ZMIZ2: variants seen among roughly 807,000 people sequenced by gnomAD.
The protein encoded by ZMIZ2 is zinc finger MIZ domain-containing protein 2.
Under a neutral mutation model 93.9 loss-of-function variants are expected in ZMIZ2, and 26 were observed. The observed-to-expected ratio is 0.28, with a 90% CI of 0.20 to 0.38. The LOEUF (loss-of-function observed/expected upper bound fraction) is 0.38. Among genes scored for constraint, ZMIZ2 ranks in the 10% least tolerant of loss-of-function variants. The pLI, the probability that ZMIZ2 is intolerant of heterozygous loss-of-function variation, is 1.00. For missense variants in ZMIZ2, 1,023 were observed against 1,235.0 expected, an observed-to-expected ratio of 0.83 and a Z score of 2.57; for synonymous variants, 485 against 516.4, an observed-to-expected ratio of 0.94 and a Z score of 0.82.
chr7:44,764,310 G>A, intron 13 of ZMIZ2, 109 bp from the exon 14 acceptor site: 1 of 1,004,520 alleles, frequency 1.0e-6, no homozygotes, highest in Non-Finnish European at 1.5e-6. Flanking sequence ...CAGTATCTCA[G>A]TTATGCATGT....
At position 44,768,023 on chromosome 7, in the gene ZMIZ2, ACTC is replaced by A. The variant is rs1299935230; in HGVS notation, c.*405_*407del. On this transcript the variant is annotated 3_prime_UTR_variant, in exon 19 of 19. Coordinates refer to ENST00000309315, the MANE Select transcript of ZMIZ2 (RefSeq NM_031449.4). The stretch of plus-strand genomic sequence containing the variant: ...CAGCATTGATCCTTCTGTTTCAACA[ACTC>A]CTCCACTGGGCAGAGCTGGGCATCT... 3.1e-5 allele frequency: 8 copies of A among 256,420 alleles called. No homozygotes were observed. The highest frequency in any genetic ancestry group is 1.2e-4 in the East Asian group (1 of 8,680). 15.9% of individuals were successfully genotyped at this position (256,420 alleles called of 1,614,324 possible).
Position 44,763,519 on chromosome 7 carries a change from G to A in ZMIZ2, c.1860+106G>A. ...ACAGACGTGAACTCCGAGTGCCTTG[G>A]CTGTCAGGCTGACAGGACAGGCCTC... is the stretch of plus-strand genomic sequence containing the variant. On this transcript the variant is annotated intron_variant, in intron 13 of 18. Transcript: ENST00000309315. This position sits in a 1 kb window ranked among gnomAD's most constrained non-coding sequence, Gnocchi z 5.6. 6.8e-7 allele frequency: 1 copy of A among 1,466,428 alleles called. No individual in the cohort carries two copies. The allele number at this position is 1,466,428 out of a possible 1,614,324, so 90.8% of individuals were successfully genotyped here. A position where few individuals can be genotyped will look rare whatever the true frequency, so the allele number is the denominator to read the frequency against.
chr7:44,756,160 C>T lies in ZMIZ2; in HGVS notation c.-62-28C>T, dbSNP rs1239246188. On this transcript the variant is annotated intron_variant, in intron 1 of 18. Coordinates refer to ENST00000309315, the MANE Select transcript of ZMIZ2 (RefSeq NM_031449.4). ...AAAGGGTCTCCTGGCTGCATCGCAG[C>T]TAACATCCCTTCCTTCCTGTCGGGC... 3 of 1,588,466 alleles carry T rather than the reference C, an allele frequency of 1.9e-6. No individual in the cohort carries two copies. In the African/African-American group the frequency reaches 4.0e-5, roughly 21 times the overall value.
chr7:44,764,920 T>C, intron 14 of ZMIZ2, 21 bp from the exon 15 acceptor site: 1 of 1,613,970 alleles, frequency 6.2e-7, no homozygotes, highest in Non-Finnish European at 8.5e-7. Flanking sequence ...CTCTGAGCTG[T>C]GTCCCTTTTT....
At chr7:44,750,846 G>C (rs1320255204) in intron 1 of ZMIZ2, 4 of 152,240 alleles carry the variant, frequency 2.6e-5, no homozygotes, top group African/African-American at 9.7e-5. Context: ...CCCTTGGTGG[G>C]CATGGGCCTT....
At position 44,762,944 on chromosome 7, in the gene ZMIZ2, C is replaced by T; in HGVS notation, c.1660C>T (p.Leu554Phe). Residue 554 changes from leucine (L) to phenylalanine (F), a missense_variant, in exon 12 of 19, where the codon CTC becomes TTC. Around this residue, in one of 3 missense-constraint regions of ZMIZ2, gnomAD observed 656 missense variants for 777.1 expected, o/e 0.84. Transcript: ENST00000309315. ...PSVRSVLQGLLKKRLLPAEHC... is the reference protein window; with the variant it reads ...PSVRSVLQGLFKKRLLPAEHC... ...CGTCCGCTCGGTGCTGCAGGGCCTC[C>T]TCAAAAAGCGCCTCCTGCCTGCTGA... The T allele has an allele frequency of 6.2e-7, 1 of 1,613,680 alleles. No homozygotes were observed. The highest frequency in any genetic ancestry group is 8.5e-7 in the Non-Finnish European group (1 of 1,179,706).
Position 44,765,059 on chromosome 7 carries a change from G to A in ZMIZ2, c.1997+50G>A. On this transcript the variant is annotated intron_variant, in intron 15 of 18. Coordinates refer to ENST00000309315, the MANE Select transcript of ZMIZ2 (RefSeq NM_031449.4). The surrounding 1 kb of genome is among the most constrained non-coding windows in gnomAD (Gnocchi z 4.1). ...CTGCATCTGTGGCCACTGGAGGGCAGCCCCAGGACATGTCGGGGGATGTCC... is the reference window on the plus strand; with the variant it reads ...CTGCATCTGTGGCCACTGGAGGGCAACCCCAGGACATGTCGGGGGATGTCC... 6.2e-7 allele frequency: 1 copy of A among 1,603,758 alleles called. No individual in the cohort carries two copies. Among genetic ancestry groups the A allele is most frequent in the Non-Finnish European group, 8.5e-7 (1 of 1,170,946 alleles).
At chr7:44,749,621 C>T (rs1264119171) in intron 1 of ZMIZ2, among the ~76,000 whole-genome samples, 11 of 152,208 alleles carry the variant, frequency 7.2e-5, no homozygotes, top group Admixed American at 3.3e-4. Context: ...GGTGCCTTGT[C>T]TTCCCTAGTG....
rs184985418 is a variant in ZMIZ2 at position 44,765,754 on chromosome 7, G to C, written c.2242+175G>C. 3.6e-6 allele frequency: 4 copies of C among 1,104,982 alleles called. No individual in the cohort carries two copies. The highest frequency in any genetic ancestry group is 1.6e-5 in the African/African-American group (1 of 63,252). 68.4% of individuals were successfully genotyped at this position (1,104,982 alleles called of 1,614,324 possible). ...CTCCAGCCCCTCCCATCTCAGGGAC[G>C]TGGCGGTGAAGGCACAGTCTCAGCT... On this transcript the variant is annotated intron_variant, in intron 16 of 18. Transcript: ENST00000309315. This position sits in a 1 kb window ranked among gnomAD's most constrained non-coding sequence, Gnocchi z 4.1.
chr7:44,764,839 C>T, intron 14 of ZMIZ2, 102 bp from the exon 15 acceptor site: 1 of 1,266,094 alleles, frequency 7.9e-7, no homozygotes, highest in Non-Finnish European at 1.1e-6. Flanking sequence ...ACAGGATTGC[C>T]TCATGCAGGG....
Position 44,766,607 on chromosome 7 carries a change from G to A in ZMIZ2, c.2599G>A (p.Val867Met), listed in dbSNP as rs777975265. 1.7e-5 allele frequency: 28 copies of A among 1,613,438 alleles called. No homozygotes were observed. The highest frequency in any genetic ancestry group is 1.5e-4 in the South Asian group (14 of 91,084). The change falls in exon 18 of 19, where the codon GTG becomes ATG. Residue 867 changes from valine (V) to methionine (M), a missense_variant. This residue lies in a region of ZMIZ2 where 319 missense variants were observed against 358.8 expected (regional missense o/e 0.89). Transcript: ENST00000309315. The surrounding 1 kb of genome is among the most constrained non-coding windows in gnomAD (Gnocchi z 4.4). ...GELAFSPATG[V>M]MGPPSMSGAG... The stretch of plus-strand genomic sequence containing the variant: ...ACTGGCCTTCAGTCCTGCCACAGGC[G>A]TGATGGGGCCCCCCAGCATGTCTGG...
intron 18 of ZMIZ2, 123 bp from the exon 19 acceptor site, chr7:44,767,393 A>C (rs1791825144): frequency 1.2e-6 from 1 of 849,948 alleles, no homozygotes; most frequent in African/African-American, 1.7e-5. Flanking sequence ...CCTGTGTGTG[A>C]GGAGGGGCTG....
Position 44,763,126 on chromosome 7 carries a change from GGTTA to G in ZMIZ2, c.1703-126_1703-123del. ...CAGGTGGCTCTGCAGTAGGGGCAGT[GGTTA>G]GTTCCAGGTGGCCCCTCAGAGCTGT... is the stretch of plus-strand genomic sequence containing the variant. On this transcript the variant is annotated intron_variant, in intron 12 of 18. Coordinates refer to ENST00000309315, the MANE Select transcript of ZMIZ2 (RefSeq NM_031449.4). This position sits in a 1 kb window ranked among gnomAD's most constrained non-coding sequence, Gnocchi z 5.6. The G allele has an allele frequency of 1.4e-6, 2 of 1,452,650 alleles. No individual in the cohort carries two copies. The highest frequency in any genetic ancestry group is 1.9e-6 in the Non-Finnish European group (2 of 1,058,936). The allele number at this position is 1,452,650 out of a possible 1,614,324, so 90.0% of individuals were successfully genotyped here.
intron 1 of ZMIZ2, among the ~76,000 whole-genome samples, chr7:44,755,664 A>G (rs970320690): frequency 1.5e-4 from 23 of 152,128 alleles, no homozygotes; most frequent in Non-Finnish European, 3.2e-4. Context: ...CGGCTTTCTC[A>G]GCCCCTGGCC....
chr7:44,764,329 C>T, intron 13 of ZMIZ2, 90 bp from the exon 14 acceptor site: 1 of 1,240,902 alleles, frequency 8.1e-7, no homozygotes, highest in Non-Finnish European at 1.2e-6. Context: ...GTAAATAAGT[C>T]ACACATTCCT....
intron 4 of ZMIZ2, 42 bp from the exon 5 acceptor site, chr7:44,757,336 T>A: frequency 6.3e-7 from 1 of 1,584,306 alleles, no homozygotes; most frequent in Non-Finnish European, 8.5e-7. Flanking sequence ...CTGGCCCTCA[T>A]GAGCCCACGC....
In ZMIZ2 at chr7:44,766,222, C is replaced by G. The variant is rs973524844; in HGVS notation, c.2301C>G (p.Ser767Arg). ...FPESFPPTTPSTPTLAEFTPG... is the reference protein window; with the variant it reads ...FPESFPPTTPRTPTLAEFTPG... ...AGTCCTTCCCACCCACCACGCCCAG[C>G]ACCCCAACCCTTGCTGAGTTCACCC... The change falls in exon 17 of 19, where the codon AGC becomes AGG. Residue 767 changes from serine (S) to arginine (R), a missense_variant. Ser to Arg is a moderately radical substitution (Grantham distance 110). This residue lies in a region of ZMIZ2 where 319 missense variants were observed against 358.8 expected (regional missense o/e 0.89). Transcript: ENST00000309315. This position sits in a 1 kb window ranked among gnomAD's most constrained non-coding sequence, Gnocchi z 4.4. The G allele has an allele frequency of 2.5e-6, 4 of 1,597,726 alleles. No individual in the cohort carries two copies. Among genetic ancestry groups the G allele is most frequent in the Non-Finnish European group, 3.4e-6 (4 of 1,168,624 alleles).
At chr7:44,749,286 G>A (rs1226596779) in intron 1 of ZMIZ2, among the ~76,000 whole-genome samples, 1 of 152,154 alleles carries the variant, frequency 6.6e-6, no homozygotes, top group African/African-American at 2.4e-5. Flanking sequence ...AGTCTTTGTT[G>A]GAGGCTGGCC....
At position 44,766,353 on chromosome 7, in the gene ZMIZ2, G is replaced by C. The variant is rs41280657; in HGVS notation, c.2412+20G>C. On this transcript the variant is annotated intron_variant, in intron 17 of 18. Transcript: ENST00000309315. The surrounding 1 kb of genome is among the most constrained non-coding windows in gnomAD (Gnocchi z 4.4). ...AGCCAGGTCAGTGCCAAGCCGAGAGGCCAAGGGGCCCTGTCTCCCCAGGGG... is the reference window on the plus strand; with the variant it reads ...AGCCAGGTCAGTGCCAAGCCGAGAGCCCAAGGGGCCCTGTCTCCCCAGGGG... 1.7e-5 allele frequency: 27 copies of C among 1,604,792 alleles called. No homozygotes were observed. The highest frequency in any genetic ancestry group is 2.3e-5 in the Non-Finnish European group (27 of 1,174,286).
Sources: allele counts gnomAD v4.1 joint callset (sites outside exome capture counted in the v4.1 genomes callset), GRCh38; gene constraint gnomAD v4.1.1; regional missense constraint gnomAD v4.1.1; non-coding constraint Gnocchi (gnomAD v3.1); transcripts MANE v1.5; gene names NCBI Gene and HGNC (gene_info 2026-07-23, HGNC 2026-07-21).